KIF17: variants seen among roughly 807,000 people sequenced by gnomAD.
The protein encoded by KIF17 is kinesin family member 17.
KIF17 carries 80 observed loss-of-function variants against 96.8 expected under a neutral mutation model. That is an observed-to-expected ratio of 0.83 (90% CI 0.69 to 1.00). The LOEUF (loss-of-function observed/expected upper bound fraction) is 1.00. Ranked by LOEUF, KIF17 falls within the 50% of genes least tolerant of loss-of-function variation. The pLI is 0.00. For synonymous variants in KIF17, 567 were observed against 587.5 expected, an observed-to-expected ratio of 0.97 and a Z score of 0.51; for missense variants, 1,280 against 1,372.9, an observed-to-expected ratio of 0.93 and a Z score of 1.07.
Position 20,686,081 on chromosome 1 carries a change from C to A in KIF17, c.1984G>T (p.Glu662Ter). The stretch of plus-strand genomic sequence containing the variant: ...GGGAAGTCATCAGCCGCCTCGGCTT[C>A]GGGCCTGGCATCACTGGGCTCCAGC... ...DLLEPSDARP[E>*]AEAADDFPPR... The change falls in exon 9 of 15, where the codon GAA (glutamate) becomes TAA (stop). Residue 662 changes from glutamate (E) to a stop codon, truncating the protein, a stop_gained. Transcript: ENST00000400463. LOFTEE classifies it high-confidence loss of function. 6.4e-7 allele frequency: 1 copy of A among 1,564,396 alleles called. No individual in the cohort carries two copies. Among genetic ancestry groups the A allele is most frequent in the Non-Finnish European group, 8.7e-7 (1 of 1,154,066 alleles).
chr1:20,711,984 G>T (rs1044797974), intron 3 of KIF17, among the ~76,000 whole-genome samples: 2 of 152,144 alleles, frequency 1.3e-5, no homozygotes, highest in Admixed American at 6.6e-5. Context: ...ACGAGGGAGC[G>T]TGTCTAAAGC....
intron 10 of KIF17, 51 bp from the exon 11 acceptor site, chr1:20,682,935 G>A (rs372516027): frequency 8.4e-5 from 128 of 1,519,034 alleles, no homozygotes; most frequent in Middle Eastern, 5.1e-4. Flanking sequence ...CCATCACCGA[G>A]CACGTGCCAT....
At chr1:20,673,428 G>A (rs2053683077) in intron 11 of KIF17, among the ~76,000 whole-genome samples, 1 of 151,846 alleles carries the variant, frequency 6.6e-6, no homozygotes, top group African/African-American at 2.4e-5. Flanking sequence ...GGCTCACTTT[G>A]TTGACCAGGC....
chr1:20,706,365 C>T lies in KIF17; in HGVS notation c.671-1466G>A, dbSNP rs575424271. 2.0e-5 allele frequency among the ~76,000 whole-genome samples: 3 copies of T among 150,340 alleles called. No homozygotes were observed. The East Asian group carries it at 6.0e-4, about 30-fold the overall frequency. ...CAGCACTTTGGGAGGCCAAGGCAGGCGGATCACCTGAGGTCAGGAGTTCAA... is the reference window on the plus strand; with the variant it reads ...CAGCACTTTGGGAGGCCAAGGCAGGTGGATCACCTGAGGTCAGGAGTTCAA... On this transcript the variant is annotated intron_variant, in intron 4 of 14. Transcript: ENST00000400463.
intron 10 of KIF17, among the ~76,000 whole-genome samples, 199 bp from the exon 11 acceptor site, chr1:20,683,083 G>A (rs2053861678): frequency 6.6e-6 from 1 of 152,148 alleles, no homozygotes; most frequent in Admixed American, 6.5e-5. Context: ...CTCCCTGCCT[G>A]TGCACTTGAC....
intron 6 of KIF17, among the ~76,000 whole-genome samples, chr1:20,695,098 A>G (rs1378167540): frequency 2.0e-5 from 3 of 151,660 alleles, no homozygotes; most frequent in Admixed American, 6.6e-5. Context: ...TCAGGCACAC[A>G]TGCACATGCA....
chr1:20,704,389 G>A lies in KIF17; in HGVS notation c.1123+58C>T. The A allele has an allele frequency of 8.5e-6, 12 of 1,404,214 alleles. No individual in the cohort carries two copies. The highest frequency in any genetic ancestry group is 1.2e-5 in the Non-Finnish European group (12 of 1,008,046). 87.0% of individuals were successfully genotyped at this position (1,404,214 alleles called of 1,614,324 possible). ...GAAGTTGGAGGCGAGAAGACAGAGG[G>A]AAGGAAGCTTTCTCCTGGGGACCTG... On this transcript the variant is annotated intron_variant, in intron 5 of 14. Transcript: ENST00000400463. This position sits in a 1 kb window ranked among gnomAD's most constrained non-coding sequence, Gnocchi z 6.8.
In KIF17 at chr1:20,664,753, T is replaced by C. The variant is rs779992520; in HGVS notation, c.2918A>G (p.Asn973Ser). ...TDARKSLTHH[N>S]SPPGLSCPLS... Reference sequence around the variant, plus strand: ...TGGGCAGCTGAGGCCTGGTGGCGAGTTGTGATGTGCTGTGGGGAAGAGGGC... The same window carrying C: ...TGGGCAGCTGAGGCCTGGTGGCGAGCTGTGATGTGCTGTGGGGAAGAGGGC... The change falls in exon 15 of 15, where the codon AAC becomes AGC. Residue 973 changes from asparagine to serine, a missense_variant. Transcript: ENST00000400463. The C allele has an allele frequency of 6.2e-7, 1 of 1,611,170 alleles. No homozygotes were observed. The highest frequency in any genetic ancestry group is 8.5e-7 in the Non-Finnish European group (1 of 1,179,568).
intron 3 of KIF17, among the ~76,000 whole-genome samples, chr1:20,711,291 C>A (rs1009794730): frequency 1.3e-5 from 2 of 152,116 alleles, no homozygotes; most frequent in African/African-American, 4.8e-5. Context: ...AGGGGTCTCC[C>A]GCCACGATAT....
chr1:20,685,966 G>T lies in KIF17; in HGVS notation c.2019+80C>A. The T allele has an allele frequency of 1.7e-6, 2 of 1,148,526 alleles. No homozygotes were observed. The highest frequency in any genetic ancestry group is 1.3e-6 in the Non-Finnish European group (1 of 779,860). 71.1% of individuals were successfully genotyped at this position (1,148,526 alleles called of 1,614,324 possible). A position where few individuals can be genotyped will look rare whatever the true frequency, so the allele number is the denominator to read the frequency against. On this transcript the variant is annotated intron_variant, in intron 9 of 14. Coordinates refer to ENST00000400463, the MANE Select transcript of KIF17 (RefSeq NM_001122819.3). The surrounding 1 kb of genome is among the most constrained non-coding windows in gnomAD (Gnocchi z 4.1). ...ATGGATGAGGAAACTGAAGCTCAGG[G>T]AGGGAGAAGACAAGCTGGAGTTTCC...
At position 20,711,527 on chromosome 1, in the gene KIF17, G is replaced by A. The variant is rs557162043; in HGVS notation, c.481-1699C>T. On this transcript the variant is annotated intron_variant, in intron 3 of 14. Coordinates refer to ENST00000400463, the MANE Select transcript of KIF17 (RefSeq NM_001122819.3). ...GATGCGGCAAGGATGAGAGAGGGGAGCATGGCAGGAATGTGTCCATCGCTG... is the reference window on the plus strand; with the variant it reads ...GATGCGGCAAGGATGAGAGAGGGGAACATGGCAGGAATGTGTCCATCGCTG... Among the ~76,000 whole-genome samples, 422 of 152,328 alleles carry A rather than the reference G, an allele frequency of 2.8e-3. 2 individuals carry two copies. Among genetic ancestry groups the A allele is most frequent in the Non-Finnish European group, 3.1e-3 (211 of 68,026 alleles).
At chr1:20,697,980 C>T (rs2054171215) in intron 6 of KIF17, among the ~76,000 whole-genome samples, 1 of 152,206 alleles carries the variant, frequency 6.6e-6, no homozygotes, top group South Asian at 2.1e-4. Context: ...GGGGGACAGA[C>T]TCCTCCCCAC....
In KIF17 at chr1:20,670,424, G is replaced by A. The variant is rs76364354; in HGVS notation, c.2787C>T (p.Asn929=). The A allele has an allele frequency of 4.3e-4, 701 of 1,613,816 alleles. 1 individual carries two copies. In the African/African-American group the frequency reaches 8.6e-3, roughly 20 times the overall value. The change falls in exon 13 of 15, where the codon AAC becomes AAT. Residue 929 remains asparagine, a synonymous_variant. Coordinates refer to ENST00000400463, the MANE Select transcript of KIF17 (RefSeq NM_001122819.3). Reference sequence around the variant, plus strand: ...CTCCCTCTCCCGCGGTCCTCACCATGTTCGGCTCGCCATTGTCTGCTGCAG... The same window carrying A: ...CTCCCTCTCCCGCGGTCCTCACCATATTCGGCTCGCCATTGTCTGCTGCAG... ...KTSAADNGEP[N]MEDDRYRLML... is the part of the protein sequence containing the mutation.
chr1:20,703,376 G>T (rs1209152177), intron 5 of KIF17, among the ~76,000 whole-genome samples: 1 of 152,018 alleles, frequency 6.6e-6, no homozygotes, highest in Non-Finnish European at 1.5e-5. Context: ...GGAAGGAAGG[G>T]TCAGTATGGA....
chr1:20,709,620 C>T lies in KIF17; in HGVS notation c.670+19G>A, dbSNP rs767935959. Reference sequence around the variant, plus strand: ...GCTGGGTCATCTGTCCCCCTGCCCCCAACAATGGCCTCGCATACCCACGGC... The same window carrying T: ...GCTGGGTCATCTGTCCCCCTGCCCCTAACAATGGCCTCGCATACCCACGGC... On this transcript the variant is annotated intron_variant, in intron 4 of 14. Coordinates refer to ENST00000400463, the MANE Select transcript of KIF17 (RefSeq NM_001122819.3). The surrounding 1 kb of genome is among the most constrained non-coding windows in gnomAD (Gnocchi z 4.7). 1.9e-6 allele frequency: 3 copies of T among 1,613,634 alleles called. No homozygotes were observed. Among genetic ancestry groups the T allele is most frequent in the Admixed American group, 1.7e-5 (1 of 59,994 alleles).
At chr1:20,676,427 T>G (rs1409535262) in intron 11 of KIF17, among the ~76,000 whole-genome samples, 1 of 152,098 alleles carries the variant, frequency 6.6e-6, no homozygotes, top group Non-Finnish European at 1.5e-5. Context: ...AGAACAAACA[T>G]GCTAATAGAG....
rs2053852249 is a variant in KIF17 at position 20,682,725 on chromosome 1, C to T, written c.2391G>A (p.Leu797=). 1 of 1,613,734 alleles carries T rather than the reference C, an allele frequency of 6.2e-7. No individual in the cohort carries two copies. The highest frequency in any genetic ancestry group is 8.5e-7 in the Non-Finnish European group (1 of 1,180,028). The change falls in exon 11 of 15, where the codon CTG becomes CTA. Residue 797 remains leucine (L), a synonymous_variant. Coordinates refer to ENST00000400463, the MANE Select transcript of KIF17 (RefSeq NM_001122819.3). ...CCTGGATGGAGTCGTAGACGTTAAG[C>T]AGCACCCAGTCCCCGCTGTCCTCAT... ...NSDEDSGDWV[L]LNVYDSIQEE...
At chr1:20,679,985 C>T (rs200396352) in intron 11 of KIF17, among the ~76,000 whole-genome samples, 2 of 151,270 alleles carry the variant, frequency 1.3e-5, no homozygotes, top group African/African-American at 2.4e-5. Context: ...AATCAGAGAT[C>T]GATTGATTGA....
chr1:20,680,140 G>A (rs1396307095), intron 11 of KIF17, among the ~76,000 whole-genome samples: 2 of 152,060 alleles, frequency 1.3e-5, no homozygotes, highest in Non-Finnish European at 2.9e-5. Context: ...ATAAGCCACC[G>A]TGCTTGGCCT....
Sources: gnomAD v4.1 joint callset for allele counts (sites outside exome capture counted in the v4.1 genomes callset) on GRCh38, gnomAD v4.1.1 for gene constraint, Gnocchi (gnomAD v3.1) non-coding constraint, MANE v1.5 for transcripts, NCBI Gene and HGNC (gene_info 2026-07-23, HGNC 2026-07-21) for gene names.